The following TOP1 variants were observed in gnomAD, a reference collection of about 807,000 sequenced individuals.
The protein encoded by TOP1 is DNA topoisomerase I.
TOP1 carries 10 observed loss-of-function variants against 111.1 expected under a neutral mutation model. The ratio of observed to expected loss-of-function variants is 0.09; its 90% CI spans 0.06 to 0.15. The LOEUF (loss-of-function observed/expected upper bound fraction) is 0.15, where lower values mean the gene tolerates loss of function less well. Among genes scored for constraint, TOP1 ranks in the 10% least tolerant of loss-of-function variants. The probability of loss-of-function intolerance (pLI) is 1.00; values close to 1 mark genes in which losing one functional copy is unlikely to be tolerated. For missense variants in TOP1, 474 were observed against 926.7 expected, an observed-to-expected ratio of 0.51 and a Z score of 6.34; for synonymous variants, 271 against 302.9, an observed-to-expected ratio of 0.89 and a Z score of 1.10.
chr20:41,122,453 T>C lies in TOP1; in HGVS notation c.2195+298T>C, dbSNP rs2034438338. On this transcript the variant is annotated intron_variant, in intron 20 of 20. Transcript: ENST00000361337. This position sits in a 1 kb window ranked among gnomAD's most constrained non-coding sequence, Gnocchi z 5.4. Reference sequence around the variant, plus strand: ...GGAACTTTAGGACAGGAATGGAAACTCTTAGCTTCTGGAAGAATAGGAAAG... The same window carrying C: ...GGAACTTTAGGACAGGAATGGAAACCCTTAGCTTCTGGAAGAATAGGAAAG... Among the ~76,000 whole-genome samples, 1 of 150,498 alleles carries C rather than the reference T, an allele frequency of 6.6e-6. No homozygotes were observed. Among genetic ancestry groups the C allele is most frequent in the Non-Finnish European group, 1.5e-5 (1 of 67,984 alleles).
chr20:41,085,420 T>C (rs1166479439), intron 8 of TOP1, among the ~76,000 whole-genome samples: 1 of 152,260 alleles, frequency 6.6e-6, no homozygotes, highest in Non-Finnish European at 1.5e-5. Flanking sequence ...AGTTTAGTCA[T>C]AGCTGGTTGC....
chr20:41,109,634 A>C lies in TOP1; in HGVS notation c.1309-3148A>C, dbSNP rs1297260198. Among the ~76,000 whole-genome samples the C allele has an allele frequency of 6.6e-6, 1 of 152,248 alleles. No homozygotes were observed. Among genetic ancestry groups the C allele is most frequent in the Non-Finnish European group, 1.5e-5 (1 of 68,030 alleles). ...ATAAAAAAACAGACATCCCATCCGC[A>C]TAATAAAAAGAGCAAAAGACTTGAA... On this transcript the variant is annotated intron_variant, in intron 13 of 20. Coordinates refer to ENST00000361337, the MANE Select transcript of TOP1 (RefSeq NM_003286.4). The surrounding 1 kb of genome is among the most constrained non-coding windows in gnomAD (Gnocchi z 4.1).
At position 41,050,015 on chromosome 20, in the gene TOP1, CTTTTG is replaced by C. The variant is rs199925066; in HGVS notation, c.59-11369_59-11365del. Among the ~76,000 whole-genome samples, 7 of 152,192 alleles carry C rather than the reference CTTTTG, an allele frequency of 4.6e-5. No individual in the cohort carries two copies. The East Asian group carries it at 5.8e-4, about 13-fold the overall frequency. ...AATGTTACTAGTCTCTTCTCTCATTCTTTTGTTTTGTTTTATGTTGAGGCAGAGTT... is the reference window on the plus strand; with the variant it reads ...AATGTTACTAGTCTCTTCTCTCATTCTTTTGTTTTATGTTGAGGCAGAGTT... On this transcript the variant is annotated intron_variant, in intron 2 of 20. Transcript: ENST00000361337.
chr20:41,080,033 A>T lies in TOP1; in HGVS notation c.336-52A>T. On this transcript the variant is annotated intron_variant, in intron 5 of 20. Coordinates refer to ENST00000361337, the MANE Select transcript of TOP1 (RefSeq NM_003286.4). The surrounding 1 kb of genome is among the most constrained non-coding windows in gnomAD (Gnocchi z 5.0). ...AAATGACATATTCCTTCTTTGTATTAATAGAATACAGATGTTCTAGCACTC... is the reference window on the plus strand; with the variant it reads ...AAATGACATATTCCTTCTTTGTATTTATAGAATACAGATGTTCTAGCACTC... 1 of 1,031,988 alleles carries T rather than the reference A, an allele frequency of 9.7e-7. No homozygotes were observed. Among genetic ancestry groups the T allele is most frequent in the Non-Finnish European group, 1.5e-6 (1 of 666,316 alleles). 63.9% of individuals were successfully genotyped at this position (1,031,988 alleles called of 1,614,324 possible). A position where few individuals can be genotyped will look rare whatever the true frequency, so the allele number is the denominator to read the frequency against.
Position 41,092,707 on chromosome 20 carries a change from T to C in TOP1, c.730+120T>C. On this transcript the variant is annotated intron_variant, in intron 9 of 20. Coordinates refer to ENST00000361337, the MANE Select transcript of TOP1 (RefSeq NM_003286.4). The surrounding 1 kb of genome is among the most constrained non-coding windows in gnomAD (Gnocchi z 4.3). ...ATCCTTTTTATTTCATTTTGTTTTA[T>C]TGCCATGCAATTTTGAGGAAGGGGC... The C allele has an allele frequency of 1.8e-6, 1 of 565,906 alleles. No individual in the cohort carries two copies. The highest frequency in any genetic ancestry group is 3.0e-5 in the East Asian group (1 of 33,016). The allele number at this position is 565,906 out of a possible 1,614,324, so 35.1% of individuals were successfully genotyped here. A position where few individuals can be genotyped will look rare whatever the true frequency, so the allele number is the denominator to read the frequency against.
At position 41,082,911 on chromosome 20, in the gene TOP1, A is replaced by G. The variant is rs1184913728; in HGVS notation, c.508-1551A>G. On this transcript the variant is annotated intron_variant, in intron 7 of 20. Coordinates refer to ENST00000361337, the MANE Select transcript of TOP1 (RefSeq NM_003286.4). The surrounding 1 kb of genome is among the most constrained non-coding windows in gnomAD (Gnocchi z 4.1). The stretch of plus-strand genomic sequence containing the variant: ...TTTGTTAAACCATTGGGAAAAAAGA[A>G]CAGTTGACTTCATTTGTTATTATTC... Among the ~76,000 whole-genome samples, 1 of 152,214 alleles carries G rather than the reference A, an allele frequency of 6.6e-6. No individual in the cohort carries two copies. The highest frequency in any genetic ancestry group is 2.4e-5 in the African/African-American group (1 of 41,446).
chr20:41,063,597 G>A (rs961169163), intron 3 of TOP1, among the ~76,000 whole-genome samples: 3 of 152,096 alleles, frequency 2.0e-5, no homozygotes, highest in African/African-American at 4.8e-5. Flanking sequence ...AGCCTTGTGA[G>A]CCATCTGCTG....
chr20:41,029,301 C>G lies in TOP1; in HGVS notation c.34-130C>G. On this transcript the variant is annotated intron_variant, in intron 1 of 20. Transcript: ENST00000361337. The surrounding 1 kb of genome is among the most constrained non-coding windows in gnomAD (Gnocchi z 6.1). ...TACAGTTCGAGGCAGGGATGGCTGC[C>G]CTCTGTGGCCACCCCCGGGTCCCCG... is the stretch of plus-strand genomic sequence containing the variant. The G allele has an allele frequency of 1.2e-6, 1 of 869,154 alleles. No homozygotes were observed. The highest frequency in any genetic ancestry group is 3.0e-5 in the East Asian group (1 of 32,802). 53.8% of individuals were successfully genotyped at this position (869,154 alleles called of 1,614,324 possible). A position where few individuals can be genotyped will look rare whatever the true frequency, so the allele number is the denominator to read the frequency against.
rs1016747926 is a variant in TOP1 at position 41,071,336 on chromosome 20, T to C, written c.156-4835T>C. Among the ~76,000 whole-genome samples the C allele has an allele frequency of 1.3e-5, 2 of 152,088 alleles. No individual in the cohort carries two copies. Among genetic ancestry groups the C allele is most frequent in the Admixed American group, 6.5e-5 (1 of 15,276 alleles). On this transcript the variant is annotated intron_variant, in intron 3 of 20. Coordinates refer to ENST00000361337, the MANE Select transcript of TOP1 (RefSeq NM_003286.4). This position sits in a 1 kb window ranked among gnomAD's most constrained non-coding sequence, Gnocchi z 4.3. Reference sequence around the variant, plus strand: ...AAAAATAGTGTAAGTTATTTTTTTCTTTCCTTTTTTTAAATTTTTTTTTTT... The same window carrying C: ...AAAAATAGTGTAAGTTATTTTTTTCCTTCCTTTTTTTAAATTTTTTTTTTT...
In TOP1 at chr20:41,094,626, G is replaced by A. The variant is rs1258741207; in HGVS notation, c.730+2039G>A. On this transcript the variant is annotated intron_variant, in intron 9 of 20. Coordinates refer to ENST00000361337, the MANE Select transcript of TOP1 (RefSeq NM_003286.4). This position sits in a 1 kb window ranked among gnomAD's most constrained non-coding sequence, Gnocchi z 4.4. ...GCATTTTCTCAGCTGGTCCTCTGCT[G>A]GGATTTCTTCTCTTTGATTGTGTGA... Among the ~76,000 whole-genome samples, 1 of 152,104 alleles carries A rather than the reference G, an allele frequency of 6.6e-6. No homozygotes were observed. Among genetic ancestry groups the A allele is most frequent in the Non-Finnish European group, 1.5e-5 (1 of 68,024 alleles).
intron 9 of TOP1, among the ~76,000 whole-genome samples, chr20:41,093,488 T>A (rs2033945083): frequency 6.6e-6 from 1 of 151,664 alleles, no homozygotes; most frequent in Non-Finnish European, 1.5e-5. Context: ...GTCCCCCTTC[T>A]CCTTTCCCCA....
In TOP1 at chr20:41,069,631, GATA is replaced by G. The variant is rs2094680601; in HGVS notation, c.156-6537_156-6535del. On this transcript the variant is annotated intron_variant, in intron 3 of 20. Transcript: ENST00000361337. This position sits in a 1 kb window ranked among gnomAD's most constrained non-coding sequence, Gnocchi z 4.1. Reference sequence around the variant, plus strand: ...GAACTGTAACATACTAAATAATTGAGATAATGATGGTGATGATGATAATTACCG... The same window carrying G: ...GAACTGTAACATACTAAATAATTGAGATGATGGTGATGATGATAATTACCG... 6.6e-6 allele frequency among the ~76,000 whole-genome samples: 1 copy of G among 152,198 alleles called. No individual in the cohort carries two copies. The highest frequency in any genetic ancestry group is 1.5e-5 in the Non-Finnish European group (1 of 68,036).
At position 41,100,811 on chromosome 20, in the gene TOP1, G is replaced by A. The variant is rs1012934022; in HGVS notation, c.1164-398G>A. On this transcript the variant is annotated intron_variant, in intron 12 of 20. Coordinates refer to ENST00000361337, the MANE Select transcript of TOP1 (RefSeq NM_003286.4). The surrounding 1 kb of genome is among the most constrained non-coding windows in gnomAD (Gnocchi z 4.4). ...TTGGGGCCTTTATTAAGTAAAAGAA[G>A]GATTACTTGAACACAAGCAATGTAA... 1 of 172,468 alleles carries A rather than the reference G, an allele frequency of 5.8e-6. No homozygotes were observed. The highest frequency in any genetic ancestry group is 1.5e-4 in the East Asian group (1 of 6,626). The allele number at this position is 172,468 out of a possible 1,614,324, so 10.7% of individuals were successfully genotyped here.
chr20:41,040,803 C>CAAAAA (rs58729802), intron 2 of TOP1, among the ~76,000 whole-genome samples: 2 of 80,560 alleles, frequency 2.5e-5, no homozygotes, highest in African/African-American at 4.4e-5. Context: ...GGCATCGTCT[C>CAAAAA]AAAAAAAAAA....
intron 7 of TOP1, among the ~76,000 whole-genome samples, chr20:41,081,534 A>G (rs1438634825): frequency 6.6e-6 from 1 of 152,182 alleles, no homozygotes; most frequent in East Asian, 1.9e-4. Flanking sequence ...TGTCATCTTC[A>G]TATATACAGA....
rs2034416964 is a variant in TOP1, at chr20:41,121,120, T to C, written c.1951-576T>C. ...TTTGGGACAGACTGGCTGAGCTGTT[T>C]GGCTTCCTGGGTGTCTTTTAATTGC... On this transcript the variant is annotated intron_variant, in intron 18 of 20. Transcript: ENST00000361337. This position sits in a 1 kb window ranked among gnomAD's most constrained non-coding sequence, Gnocchi z 4.2. Among the ~76,000 whole-genome samples, 1 of 152,194 alleles carries C rather than the reference T, an allele frequency of 6.6e-6. No individual in the cohort carries two copies. The highest frequency in any genetic ancestry group is 2.4e-5 in the African/African-American group (1 of 41,436).
chr20:41,101,459 C>A lies in TOP1; in HGVS notation c.1308+106C>A. The A allele has an allele frequency of 7.9e-7, 1 of 1,261,666 alleles. No homozygotes were observed. The highest frequency in any genetic ancestry group is 1.1e-6 in the Non-Finnish European group (1 of 927,214). The allele number at this position is 1,261,666 out of a possible 1,614,324, so 78.2% of individuals were successfully genotyped here. On this transcript the variant is annotated intron_variant, in intron 13 of 20. Coordinates refer to ENST00000361337, the MANE Select transcript of TOP1 (RefSeq NM_003286.4). This position sits in a 1 kb window ranked among gnomAD's most constrained non-coding sequence, Gnocchi z 4.1. ...GAATCACTTTGACAAATTAAAAATCCTCCCCATTGAAAGAAGGCAAGTACT... is the reference window on the plus strand; with the variant it reads ...GAATCACTTTGACAAATTAAAAATCATCCCCATTGAAAGAAGGCAAGTACT...
At chr20:41,084,608 T>C (rs951099078) in intron 8 of TOP1, 40 bp downstream of exon 8, 2 of 1,154,528 alleles carry the variant, frequency 1.7e-6, no homozygotes, top group African/African-American at 3.1e-5. Flanking sequence ...ACCTTTTTTA[T>C]TGCATATCCT....
At chr20:41,035,941 G>A (rs946163879) in intron 2 of TOP1, among the ~76,000 whole-genome samples, 2 of 152,170 alleles carry the variant, frequency 1.3e-5, no homozygotes, top group African/African-American at 4.8e-5. Context: ...CAGTAAGGTA[G>A]CCCCTTTGTT....
Sources: gnomAD v4.1 joint callset for allele counts (sites outside exome capture counted in the v4.1 genomes callset) on GRCh38, gnomAD v4.1.1 for gene constraint, Gnocchi (gnomAD v3.1) non-coding constraint, MANE v1.5 for transcripts, NCBI Gene and HGNC (gene_info 2026-07-23, HGNC 2026-07-21) for gene names.